Variants in EVI5 observed in about 807,000 individuals in gnomAD.
EVI5 encodes the protein ecotropic viral integration site 5, also known as ecotropic viral integration site 5 protein homolog.
Under a neutral mutation model 112.0 loss-of-function variants are expected in EVI5, and 73 were observed. The ratio of observed to expected loss-of-function variants is 0.65; its 90% confidence interval spans 0.54 to 0.79. EVI5 has a LOEUF of 0.79. Ranked by LOEUF, EVI5 falls within the 30% of genes least tolerant of loss-of-function variation. The pLI is 0.00. For missense variants in EVI5, 900 were observed against 968.8 expected, an observed-to-expected ratio of 0.93 and a Z score of 0.94; for synonymous variants, 305 against 319.9, an observed-to-expected ratio of 0.95 and a Z score of 0.50.
chr1:92,743,410 T>C (rs895888556), intron 1 of EVI5, among the ~76,000 whole-genome samples: 2 of 152,054 alleles, frequency 1.3e-5, no homozygotes, highest in African/African-American at 2.4e-5. Flanking sequence ...CTGAGGACAT[T>C]ATACGAAGTG....
At chr1:92,517,576 T>C (rs1471307027) in intron 19 of EVI5, among the ~76,000 whole-genome samples, 1 of 152,242 alleles carries the variant, frequency 6.6e-6, no homozygotes, top group Admixed American at 6.5e-5. Context: ...GACTAGTGTC[T>C]GGTATGTAGA....
chr1:92,737,617 C>T (rs1677652749), intron 1 of EVI5, among the ~76,000 whole-genome samples: 1 of 91,682 alleles, frequency 1.1e-5, no homozygotes, highest in Non-Finnish European at 2.5e-5. Context: ...CATATGTACA[C>T]ACACAAAAAA....
chr1:92,693,839 C>G lies in EVI5; in HGVS notation c.1060G>C (p.Ala354Pro), dbSNP rs776493249. The part of the protein sequence containing the change: ...DGVPDKLIQA[A>P]YQVKYNSKKM... ...TTTGAATTGTATTTGACTTGGTAAG[C>G]TGCTTGGATTAGCTTGTCTGGGACA... Residue 354 changes from alanine (A) to proline (P), a missense_variant, in exon 9 of 20, where the codon GCT becomes CCT. Coordinates refer to ENST00000684568, the MANE Select transcript of EVI5 (RefSeq NM_001350197.2). 2.6e-5 allele frequency: 41 copies of G among 1,605,790 alleles called. No individual in the cohort carries two copies. Among genetic ancestry groups the G allele is most frequent in the Non-Finnish European group, 3.4e-5 (40 of 1,173,450 alleles).
At chr1:92,683,553 T>C (rs1163365368) in intron 9 of EVI5, among the ~76,000 whole-genome samples, 1 of 152,156 alleles carries the variant, frequency 6.6e-6, no homozygotes, top group Non-Finnish European at 1.5e-5. Flanking sequence ...GGATGGAGAA[T>C]GAGTTTGACG....
chr1:92,580,914 T>C (rs147712437), intron 18 of EVI5: 1 of 152,368 alleles, frequency 6.6e-6, no homozygotes, highest in Admixed American at 6.5e-5. Flanking sequence ...TGTTAAGTTG[T>C]TTTACAGTGT....
chr1:92,753,090 C>A (rs1055334843), intron 1 of EVI5, among the ~76,000 whole-genome samples: 1 of 148,780 alleles, frequency 6.7e-6, no homozygotes, highest in Non-Finnish European at 1.5e-5. Flanking sequence ...AAGATAAGAT[C>A]TATGAAATGA....
chr1:92,693,226 C>A (rs756593520), intron 9 of EVI5, among the ~76,000 whole-genome samples: 2 of 151,736 alleles, frequency 1.3e-5, no homozygotes, highest in Non-Finnish European at 2.9e-5. Context: ...TGGTGGTGTG[C>A]GCCTGTAGTA....
intron 13 of EVI5, among the ~76,000 whole-genome samples, chr1:92,641,256 C>A (rs1659916909): frequency 6.6e-6 from 1 of 152,086 alleles, no homozygotes; most frequent in Non-Finnish European, 1.5e-5. Flanking sequence ...ACTATACAAG[C>A]AAATGCTGGA....
At chr1:92,633,031 T>G (rs186155696) in intron 14 of EVI5, among the ~76,000 whole-genome samples, 2 of 152,166 alleles carry the variant, frequency 1.3e-5, no homozygotes, top group South Asian at 4.1e-4. Flanking sequence ...GCACTGTGGT[T>G]TGAGACACAG....
chr1:92,762,530 TAAG>T (rs1457852377), intron 1 of EVI5, among the ~76,000 whole-genome samples: 1 of 152,184 alleles, frequency 6.6e-6, no homozygotes, highest in Non-Finnish European at 1.5e-5. Context: ...AAATCACTGC[TAAG>T]AAGGTAAGCT....
intron 2 of EVI5, among the ~76,000 whole-genome samples, chr1:92,722,990 G>A (rs1674998353): frequency 6.6e-6 from 1 of 152,116 alleles, no homozygotes; most frequent in African/African-American, 2.4e-5. Context: ...CTATCACCAG[G>A]TTTGCATGAG....
chr1:92,534,003 G>A (rs1007711160), intron 19 of EVI5, among the ~76,000 whole-genome samples: 1 of 152,190 alleles, frequency 6.6e-6, no homozygotes, highest in African/African-American at 2.4e-5. Flanking sequence ...TCTGTTTGCA[G>A]ATGACATGAT....
intron 1 of EVI5, among the ~76,000 whole-genome samples, chr1:92,779,859 C>G (rs1207651694): frequency 6.6e-6 from 1 of 152,092 alleles, no homozygotes; most frequent in Non-Finnish European, 1.5e-5. Flanking sequence ...AGTGGAGAGG[C>G]ATGGGGCTAA....
chr1:92,585,214 C>T (rs1458499792), intron 18 of EVI5, among the ~76,000 whole-genome samples: 2 of 79,838 alleles, frequency 2.5e-5, no homozygotes, highest in Non-Finnish European at 4.9e-5. Flanking sequence ...CAGAGTGAGA[C>T]TCCATCTCAA....
At chr1:92,540,842 G>A (rs1182785374) in intron 19 of EVI5, among the ~76,000 whole-genome samples, 2 of 152,180 alleles carry the variant, frequency 1.3e-5, no homozygotes, top group African/African-American at 2.4e-5. Context: ...GGGAGGCCGA[G>A]GCGGGAGGAT....
intron 1 of EVI5, among the ~76,000 whole-genome samples, chr1:92,780,423 A>G: frequency 7.0e-6 from 1 of 143,382 alleles, no homozygotes; most frequent in East Asian, 2.2e-4. Flanking sequence ...TGTTTGATGA[A>G]AAGCAGCCCC....
intron 19 of EVI5, among the ~76,000 whole-genome samples, chr1:92,531,610 C>A (rs1341614619): frequency 6.6e-6 from 1 of 152,206 alleles, no homozygotes; most frequent in Non-Finnish European, 1.5e-5. Context: ...TCCTACAAAC[C>A]AGAAGAGATT....
intron 19 of EVI5, among the ~76,000 whole-genome samples, chr1:92,536,816 C>T (rs1663983402): frequency 6.6e-6 from 1 of 152,042 alleles, no homozygotes; most frequent in Admixed American, 6.6e-5. Flanking sequence ...TTTCTTTTAG[C>T]ACATCATAGG....
At chr1:92,631,807 G>A (rs1211053031) in intron 14 of EVI5, among the ~76,000 whole-genome samples, 1 of 152,124 alleles carries the variant, frequency 6.6e-6, no homozygotes, top group Non-Finnish European at 1.5e-5. Context: ...GTATGATATT[G>A]GCTGTGGGTT....
Sources: gnomAD v4.1 joint callset for allele counts (sites outside exome capture counted in the v4.1 genomes callset) on GRCh38, gnomAD v4.1.1 for gene constraint, MANE v1.5 for transcripts, NCBI Gene and HGNC (gene_info 2026-07-23, HGNC 2026-07-21) for gene names.